Variants in CACNA2D3 observed in about 807,000 individuals in gnomAD.
The protein encoded by CACNA2D3 is calcium voltage-gated channel auxiliary subunit alpha2delta 3.
Under a neutral mutation model 160.6 loss-of-function variants are expected in CACNA2D3, and 60 were observed. That is an observed-to-expected ratio of 0.37 (90% CI 0.30 to 0.46). The LOEUF is 0.46. Ranked by LOEUF, CACNA2D3 falls within the 20% of genes least tolerant of loss-of-function variation. The probability of loss-of-function intolerance (pLI) is 1.00; values close to 1 mark genes in which losing one functional copy is unlikely to be tolerated. For missense variants in CACNA2D3, 1,205 were observed against 1,365.0 expected (o/e 0.88, Z 1.85); for synonymous variants, 558 against 492.9 (o/e 1.13, Z -1.75).
chr3:54,903,351 G>A (rs1313222043), intron 27 of CACNA2D3, among the ~76,000 whole-genome samples: 3 of 152,130 alleles, frequency 2.0e-5, no homozygotes, highest in Non-Finnish European at 4.4e-5. Context: ...ATAATGGCCT[G>A]CAATTCCATC....
intron 2 of CACNA2D3, among the ~76,000 whole-genome samples, chr3:54,130,706 C>T (rs1314356361): frequency 6.6e-6 from 1 of 152,206 alleles, no homozygotes; most frequent in Non-Finnish European, 1.5e-5. Flanking sequence ...ATTTTCTTGT[C>T]TTTGCGTGAT....
At chr3:55,043,788 G>C (rs912792692) in intron 35 of CACNA2D3, among the ~76,000 whole-genome samples, 8 of 152,126 alleles carry the variant, frequency 5.3e-5, no homozygotes, top group Non-Finnish European at 1.2e-4. Flanking sequence ...ATTTAGGTCT[G>C]TGATTCATTT....
intron 11 of CACNA2D3, among the ~76,000 whole-genome samples, chr3:54,723,518 G>C (rs890024776): frequency 1.3e-5 from 2 of 152,224 alleles, no homozygotes; most frequent in African/African-American, 4.8e-5. Context: ...GGGCCCTGGT[G>C]GGGTAGGCAC....
At chr3:55,042,163 C>G (rs1703972192) in intron 35 of CACNA2D3, among the ~76,000 whole-genome samples, 1 of 152,040 alleles carries the variant, frequency 6.6e-6, no homozygotes, top group South Asian at 2.1e-4. Context: ...TGAATTAGGT[C>G]AAGACATTGT....
At chr3:54,707,983 C>T (rs1187700534) in intron 11 of CACNA2D3, among the ~76,000 whole-genome samples, 1 of 152,100 alleles carries the variant, frequency 6.6e-6, no homozygotes, top group African/African-American at 2.4e-5. Flanking sequence ...TTAAGTCCAC[C>T]TGTATCCACA....
At chr3:55,040,727 G>T (rs942344430) in intron 35 of CACNA2D3, among the ~76,000 whole-genome samples, 1 of 152,086 alleles carries the variant, frequency 6.6e-6, no homozygotes, top group Non-Finnish European at 1.5e-5. Flanking sequence ...GCTTTGTGGG[G>T]TTACTCCAAC....
chr3:54,527,183 A>G (rs879860725), intron 5 of CACNA2D3, among the ~76,000 whole-genome samples: 1 of 152,212 alleles, frequency 6.6e-6, no homozygotes, highest in Non-Finnish European at 1.5e-5. Flanking sequence ...TTACCAGCCT[A>G]CAGTTTAGAT....
At chr3:54,391,083 A>G (rs1283602704) in intron 4 of CACNA2D3, among the ~76,000 whole-genome samples, 1 of 152,184 alleles carries the variant, frequency 6.6e-6, no homozygotes, top group Non-Finnish European at 1.5e-5. Flanking sequence ...CGTCTTCCCA[A>G]AACAGAAAAG....
intron 2 of CACNA2D3, among the ~76,000 whole-genome samples, chr3:54,189,641 G>C (rs373902891): frequency 5.9e-5 from 9 of 152,164 alleles, no homozygotes; most frequent in Admixed American, 3.3e-4. Flanking sequence ...GATGAGGGGT[G>C]CTTCTTGCCT....
At chr3:54,359,170 C>G (rs1053020518) in intron 3 of CACNA2D3, among the ~76,000 whole-genome samples, 3 of 152,280 alleles carry the variant, frequency 2.0e-5, no homozygotes, top group Admixed American at 6.5e-5. Context: ...TAGGTCTAGG[C>G]AAGCTCCCAA....
chr3:54,552,052 A>C (rs1042051288), intron 5 of CACNA2D3, among the ~76,000 whole-genome samples: 6 of 152,118 alleles, frequency 3.9e-5, no homozygotes, highest in Admixed American at 1.3e-4. Flanking sequence ...GCCTAAGTTC[A>C]CTCTACAGTA....
intron 11 of CACNA2D3, among the ~76,000 whole-genome samples, chr3:54,651,753 G>A (rs1047394479): frequency 3.9e-5 from 6 of 152,186 alleles, no homozygotes; most frequent in Middle Eastern, 3.4e-3. Flanking sequence ...AGTGGCCTCC[G>A]GGGTGCTGAA....
At chr3:54,446,384 T>A (rs1700222085) in intron 4 of CACNA2D3, among the ~76,000 whole-genome samples, 1 of 152,070 alleles carries the variant, frequency 6.6e-6, no homozygotes, top group African/African-American at 2.4e-5. Context: ...CCCAAGGGAT[T>A]TGCTTAGATA....
Position 54,460,173 on chromosome 3 carries a change from G to A in CACNA2D3, c.382-43319G>A, listed in dbSNP as rs1368612582. ...CCAGTACCATGCTGTTTTGGTTACT[G>A]TAGCCTTGTAGTATAGTTTGAAGTC... On this transcript the variant is annotated intron_variant, in intron 4 of 37. Transcript: ENST00000474759. 5.7e-3 allele frequency among the ~76,000 whole-genome samples: 866 copies of A among 151,992 alleles called. 7 individuals carry two copies. The highest frequency in any genetic ancestry group is 6.3e-3 in the Non-Finnish European group (426 of 67,944).
chr3:54,657,784 T>C (rs1372445655), intron 11 of CACNA2D3, among the ~76,000 whole-genome samples: 1 of 152,146 alleles, frequency 6.6e-6, no homozygotes, highest in African/African-American at 2.4e-5. Flanking sequence ...ATCCCAGCAC[T>C]TTGGGAGGCC....
chr3:54,260,716 C>CTT (rs151293610), intron 2 of CACNA2D3, among the ~76,000 whole-genome samples: 1 of 150,246 alleles, frequency 6.7e-6, no homozygotes, highest in Non-Finnish European at 1.5e-5. Context: ...TGCTGGTATT[C>CTT]TTTTTTTTTT....
chr3:54,457,018 G>T (rs533325684), intron 4 of CACNA2D3, among the ~76,000 whole-genome samples: 2 of 150,948 alleles, frequency 1.3e-5, no homozygotes, highest in East Asian at 3.9e-4. Flanking sequence ...TATTAATTTT[G>T]TTTATCTTTT....
intron 35 of CACNA2D3, 83 bp from the exon 36 acceptor site, chr3:55,073,362 T>TACC: frequency 1.0e-6 from 1 of 988,044 alleles, no homozygotes. Flanking sequence ...TGGTAGTTGC[T>TACC]ACCACCCAGG....
intron 3 of CACNA2D3, among the ~76,000 whole-genome samples, chr3:54,374,017 T>C (rs1698967432): frequency 6.6e-6 from 1 of 152,204 alleles, no homozygotes; most frequent in African/African-American, 2.4e-5. Flanking sequence ...GATCACCCAG[T>C]CGTGTTTGAT....
Sources: allele counts gnomAD v4.1 joint callset (sites outside exome capture counted in the v4.1 genomes callset), GRCh38; gene constraint gnomAD v4.1.1; transcripts MANE v1.5; gene names NCBI Gene and HGNC (gene_info 2026-07-23, HGNC 2026-07-21).